Variants in MICAL3 observed in about 807,000 individuals in gnomAD.
MICAL3 encodes the protein microtubule associated monooxygenase, calponin and LIM domain containing 3.
MICAL3 carries 62 observed loss-of-function variants against 207.4 expected under a neutral mutation model. The ratio of observed to expected loss-of-function variants is 0.30; its 90% confidence interval spans 0.24 to 0.37. MICAL3 has a LOEUF of 0.37. Ranked by LOEUF, MICAL3 falls within the 10% of genes least tolerant of loss-of-function variation. The pLI is 1.00. For synonymous variants in MICAL3, 1,077 were observed against 1,069.3 expected (o/e 1.01, Z -0.14); for missense variants, 2,368 against 2,635.6 (o/e 0.90, Z 2.22).
intron 1 of MICAL3, among the ~76,000 whole-genome samples, chr22:17,948,200 G>A (rs1934165887): frequency 6.6e-6 from 1 of 152,208 alleles, no homozygotes; most frequent in African/African-American, 2.4e-5. Context: ...CTGCTCCGGC[G>A]TGGCCTTACT....
At chr22:17,851,762 G>A (rs1314409384) in intron 19 of MICAL3, among the ~76,000 whole-genome samples, 2 of 152,194 alleles carry the variant, frequency 1.3e-5, no homozygotes, top group African/African-American at 4.8e-5. Context: ...AAATTCTGAC[G>A]AAGACGCCAA....
intron 29 of MICAL3, among the ~76,000 whole-genome samples, chr22:17,800,088 A>C (rs1346337551): frequency 6.6e-6 from 1 of 152,114 alleles, no homozygotes; most frequent in Non-Finnish European, 1.5e-5. Flanking sequence ...AAACTCAGAG[A>C]AGCAGAGAGA....
intron 29 of MICAL3, chr22:17,803,913 GT>G (rs1569071185): frequency 1.2e-6 from 1 of 830,354 alleles, no homozygotes; most frequent in African/African-American, 1.8e-5. Context: ...TAGTCCTCCT[GT>G]CCCCCCATAC....
At chr22:18,014,440 T>G (rs954881398) in intron 1 of MICAL3, among the ~76,000 whole-genome samples, 12 of 152,210 alleles carry the variant, frequency 7.9e-5, no homozygotes, top group Admixed American at 4.6e-4. Context: ...TTTTCCAAGT[T>G]GTTGGATTTG....
chr22:17,954,277 C>T (rs374597), intron 1 of MICAL3, among the ~76,000 whole-genome samples: 73,487 of 151,984 alleles, frequency 0.48, 17,854 homozygotes, highest in Middle Eastern at 0.68. Flanking sequence ...CATTGGGGAC[C>T]TGTAGTGGGG....
intron 1 of MICAL3, among the ~76,000 whole-genome samples, chr22:17,961,780 CCCTT>C (rs1425462333): frequency 6.6e-6 from 1 of 152,184 alleles, no homozygotes; most frequent in Non-Finnish European, 1.5e-5. Context: ...GAGTTAGCGC[CCCTT>C]CCAAGGCAGG....
Position 17,841,939 on chromosome 22 carries a change from T to C in MICAL3, c.2684A>G (p.Asn895Ser), listed in dbSNP as rs1291822972. 2 of 1,601,932 alleles carry C rather than the reference T, an allele frequency of 1.2e-6. No homozygotes were observed. Among genetic ancestry groups the C allele is most frequent in the Non-Finnish European group, 1.7e-6 (2 of 1,174,770 alleles). The stretch of plus-strand genomic sequence containing the variant: ...AGCCTGCCTCAGGGACAGGCGGTAG[T>C]TCTCCAGCTCGATCCGCTCTGGGGT... Reference protein sequence around the residue: ...RGTPERIELENYRLSLRQAEA... With the variant: ...RGTPERIELESYRLSLRQAEA... Residue 895 changes from asparagine to serine, a missense_variant, in exon 20 of 32, where the codon AAC (asparagine) becomes AGC (serine). Transcript: ENST00000441493. This position sits in a 1 kb window ranked among gnomAD's most constrained non-coding sequence, Gnocchi z 4.2.
At chr22:18,006,006 C>A (rs1427813415) in intron 1 of MICAL3, 1 of 152,186 alleles carries the variant, frequency 6.6e-6, no homozygotes, top group Non-Finnish European at 1.5e-5. Flanking sequence ...GAGGCCAATA[C>A]TTCTGAGTTG....
chr22:17,958,278 C>A (rs972107046), intron 1 of MICAL3, among the ~76,000 whole-genome samples: 1 of 152,182 alleles, frequency 6.6e-6, no homozygotes, highest in African/African-American at 2.4e-5. Flanking sequence ...TTGCTAGGGC[C>A]ACTTTGGGTC....
chr22:17,856,798 T>G (rs1925961740), intron 19 of MICAL3, among the ~76,000 whole-genome samples: 1 of 151,878 alleles, frequency 6.6e-6, no homozygotes, highest in Admixed American at 6.5e-5. Flanking sequence ...ATTTTTTGTA[T>G]TTTTAGTAGA....
rs1445879289 is a variant in MICAL3 at position 17,906,486 on chromosome 22, G to A, written c.264+63C>T. The stretch of plus-strand genomic sequence containing the variant: ...ATATGGTGAATGGCCAGAGATGCAA[G>A]ACGTTGTTGAGGGAGAAGGCATCTC... On this transcript the variant is annotated intron_variant, in intron 2 of 31. Transcript: ENST00000441493. 5.6e-6 allele frequency: 9 copies of A among 1,611,322 alleles called. No individual in the cohort carries two copies. In the South Asian group the frequency reaches 7.7e-5, roughly 14 times the overall value.
At position 17,817,190 on chromosome 22, in the gene MICAL3, C is replaced by G. The variant is rs922605791; in HGVS notation, c.5350+121G>C. On this transcript the variant is annotated intron_variant, in intron 26 of 31. Transcript: ENST00000441493. ...TGGTTCAGTCCCTTCTCCAGGTCAG[C>G]ACGGCTCCTGAGAACCCTCGGCGGG... 2.9e-5 allele frequency: 36 copies of G among 1,257,394 alleles called. No individual in the cohort carries two copies. In the South Asian group the frequency reaches 5.6e-4, roughly 20 times the overall value. 77.9% of individuals were successfully genotyped at this position (1,257,394 alleles called of 1,614,324 possible).
intron 1 of MICAL3, among the ~76,000 whole-genome samples, chr22:18,017,096 G>A (rs185814408): frequency 3.1e-4 from 47 of 152,300 alleles, no homozygotes; most frequent in Admixed American, 1.3e-3. Flanking sequence ...GAAAAAAGCC[G>A]TATAGAACCT....
chr22:17,802,097 T>G (rs1480012604), intron 29 of MICAL3, among the ~76,000 whole-genome samples: 10 of 151,932 alleles, frequency 6.6e-5, no homozygotes, highest in South Asian at 6.3e-4. Context: ...GGGTTTTGCT[T>G]TGTTGCCCAG....
intron 20 of MICAL3, among the ~76,000 whole-genome samples, chr22:17,837,799 T>C (rs1923560340): frequency 6.6e-6 from 1 of 152,220 alleles, no homozygotes; most frequent in Non-Finnish European, 1.5e-5. Flanking sequence ...ATTCCTGGCC[T>C]CCACCCCAAA....
intron 30 of MICAL3, 21 bp downstream of exon 30, chr22:17,791,181 C>T (rs1480917934): frequency 6.2e-6 from 10 of 1,612,364 alleles, no homozygotes; most frequent in Non-Finnish European, 8.5e-6. Context: ...GCGCTGACGC[C>T]CCCTACCCAA....
At chr22:17,959,126 C>T (rs1045917856) in intron 1 of MICAL3, among the ~76,000 whole-genome samples, 10 of 149,040 alleles carry the variant, frequency 6.7e-5, no homozygotes, top group African/African-American at 2.5e-4. Flanking sequence ...CGCCATTCTC[C>T]TGCCTCAGCC....
chr22:17,899,668 G>C, intron 6 of MICAL3, 120 bp from the exon 7 acceptor site: 1 of 672,954 alleles, frequency 1.5e-6, no homozygotes, highest in Admixed American at 2.3e-5. Flanking sequence ...GGCAGGGAAA[G>C]GTGTCTAAGC....
intron 1 of MICAL3, among the ~76,000 whole-genome samples, chr22:17,990,380 G>C (rs1025002181): frequency 1.3e-5 from 2 of 152,028 alleles, no homozygotes; most frequent in African/African-American, 4.8e-5. Flanking sequence ...GAAGCCCCAA[G>C]CCTCAGAATT....
Sources: allele counts gnomAD v4.1 joint callset (sites outside exome capture counted in the v4.1 genomes callset), GRCh38; gene constraint gnomAD v4.1.1; non-coding constraint Gnocchi (gnomAD v3.1); transcripts MANE v1.5; gene names NCBI Gene and HGNC (gene_info 2026-07-23, HGNC 2026-07-21).